KDSR: variants seen among roughly 807,000 people sequenced by gnomAD.
KDSR encodes the protein 3-dehydrosphinganine reductase.
A neutral mutation model predicts 41.3 loss-of-function variants in KDSR; 23 were observed. The observed-to-expected ratio is 0.56, with a 90% CI of 0.40 to 0.79. KDSR has a LOEUF of 0.79. Ranked by LOEUF, KDSR falls within the 30% of genes least tolerant of loss-of-function variation. The pLI, the probability that KDSR is intolerant of heterozygous loss-of-function variation, is 0.00. For synonymous variants in KDSR, 138 were observed against 151.7 expected (o/e 0.91, Z 0.66); for missense variants, 351 against 416.8 (o/e 0.84, Z 1.37).
chr18:63,344,620 G>A (rs907281893), intron 6 of KDSR, 127 bp from the exon 7 acceptor site: 4 of 627,074 alleles, frequency 6.4e-6, no homozygotes, highest in Non-Finnish European at 1.1e-5. Flanking sequence ...CTGTTAGGCG[G>A]GGAACTACAC....
At chr18:63,350,712 T>C (rs1914637609) in intron 6 of KDSR, among the ~76,000 whole-genome samples, 176 bp downstream of exon 6, 1 of 152,232 alleles carries the variant, frequency 6.6e-6, no homozygotes, top group East Asian at 1.9e-4. Context: ...ATAGTCTTCA[T>C]GCAATGAAAA....
intron 6 of KDSR, 45 bp from the exon 7 acceptor site, chr18:63,344,538 C>A: frequency 7.0e-7 from 1 of 1,422,828 alleles, no homozygotes; most frequent in South Asian, 1.2e-5. Context: ...ACAAGACACA[C>A]TGAGGTCCTA....
intron 6 of KDSR, among the ~76,000 whole-genome samples, chr18:63,347,219 G>A (rs747787177): frequency 6.6e-6 from 1 of 152,002 alleles, no homozygotes; most frequent in Non-Finnish European, 1.5e-5. Context: ...GAACCGATTT[G>A]TGGGCCGGGT....
chr18:63,350,970 C>G lies in KDSR; in HGVS notation c.527G>C (p.Gly176Ala), dbSNP rs1452218949. ...TGTGAAACCGAATAATCCCAACTGTCCTGCCTGGGAGGACACAAACACGAT... is the reference window on the plus strand; with the variant it reads ...TGTGAAACCGAATAATCCCAACTGTGCTGCCTGGGAGGACACAAACACGAT... The part of the protein sequence containing the change: ...GRIVFVSSQA[G>A]QLGLFGFTAY... Residue 176 changes from glycine (G) to alanine (A), a missense_variant, in exon 6 of 10, where the codon GGA becomes GCA. Transcript: ENST00000645214. 6.2e-7 allele frequency: 1 copy of G among 1,614,182 alleles called. No individual in the cohort carries two copies. Among genetic ancestry groups the G allele is most frequent in the South Asian group, 1.1e-5 (1 of 91,086 alleles).
chr18:63,355,432 G>C, intron 4 of KDSR, 66 bp downstream of exon 4: 1 of 1,611,594 alleles, frequency 6.2e-7, no homozygotes, highest in Non-Finnish European at 8.5e-7. Context: ...AAGCCACATA[G>C]CAAAATGGCA....
intron 1 of KDSR, among the ~76,000 whole-genome samples, chr18:63,363,424 A>C (rs1271975256): frequency 1.7e-5 from 2 of 115,772 alleles, no homozygotes; most frequent in Non-Finnish European, 3.3e-5. Flanking sequence ...TCCTGTGTCC[A>C]TGTGATCTCA....
At chr18:63,361,398 T>C (rs538068292) in intron 2 of KDSR, among the ~76,000 whole-genome samples, 2 of 152,042 alleles carry the variant, frequency 1.3e-5, no homozygotes, top group South Asian at 4.2e-4. Flanking sequence ...CAAAATGCCA[T>C]TTCATCAAAT....
At chr18:63,331,970 TAACA>T (rs1365475307) in intron 9 of KDSR, 69 bp from the exon 10 acceptor site, 4 of 1,500,968 alleles carry the variant, frequency 2.7e-6, no homozygotes, top group Non-Finnish European at 1.8e-6. Context: ...CCTAGGTCTC[TAACA>T]AACAGTTTCT....
At chr18:63,358,052 T>C (rs1382183640) in intron 3 of KDSR, among the ~76,000 whole-genome samples, 1 of 152,122 alleles carries the variant, frequency 6.6e-6, no homozygotes, top group Non-Finnish European at 1.5e-5. Context: ...GACGCGCGCC[T>C]GTAATCCCAA....
chr18:63,361,062 A>AATATATATAATAAAAATATATAATTTAT (rs1257072766), intron 2 of KDSR, among the ~76,000 whole-genome samples: 1 of 91,776 alleles, frequency 1.1e-5, no homozygotes, highest in Admixed American at 1.4e-4. Context: ...ATATATATGT[A>AATATATATAATAAAAATATATAATTTAT]AATATATATA....
chr18:63,342,694 T>C (rs913223242), intron 7 of KDSR, among the ~76,000 whole-genome samples: 8 of 142,436 alleles, frequency 5.6e-5, no homozygotes, highest in Non-Finnish European at 1.1e-4. Context: ...GGAACAGATA[T>C]GAGTCTTAAT....
chr18:63,340,777 T>C (rs779280957), intron 7 of KDSR, among the ~76,000 whole-genome samples: 8 of 152,192 alleles, frequency 5.3e-5, no homozygotes, highest in Non-Finnish European at 1.0e-4. Context: ...TGGCAAAAGA[T>C]TAGCAATTTA....
At chr18:63,332,831 C>CAAAA (rs1159424416) in intron 9 of KDSR, among the ~76,000 whole-genome samples, 1 of 75,038 alleles carries the variant, frequency 1.3e-5, no homozygotes. Context: ...GACTCCGTCT[C>CAAAA]AAAAAAAAAA....
At chr18:63,333,660 T>G (rs1358666810) in intron 9 of KDSR, among the ~76,000 whole-genome samples, 2 of 152,200 alleles carry the variant, frequency 1.3e-5, no homozygotes, top group East Asian at 3.8e-4. Flanking sequence ...AAGAAAAGTC[T>G]GAAATCTGGA....
rs763751406 is a variant in KDSR at position 63,362,881 on chromosome 18, C to A, written c.109-13G>T. The A allele has an allele frequency of 2.8e-5, 44 of 1,585,124 alleles. No individual in the cohort carries two copies. Among genetic ancestry groups the A allele is most frequent in the Non-Finnish European group, 3.7e-5 (43 of 1,154,990 alleles). On this transcript the variant is annotated splice_polypyrimidine_tract_variant and intron_variant, in intron 1 of 9. Coordinates refer to ENST00000645214, the MANE Select transcript of KDSR (RefSeq NM_002035.4). ...AACCTCCTGTAACCTAAAACAAAAT[C>A]ATAAAATATTCTTAGCACTTGAAAT...
intron 9 of KDSR, among the ~76,000 whole-genome samples, chr18:63,334,710 C>T (rs535259137): frequency 7.2e-5 from 11 of 152,318 alleles, no homozygotes; most frequent in Admixed American, 7.2e-4. Flanking sequence ...CTGGAGAGGT[C>T]GCCTTCCATC....
At chr18:63,344,764 C>T (rs562270508) in intron 6 of KDSR, 5 of 328,354 alleles carry the variant, frequency 1.5e-5, no homozygotes, top group Non-Finnish European at 2.8e-5. Context: ...TCCACTCCTG[C>T]TGCCCAGACA....
intron 5 of KDSR, among the ~76,000 whole-genome samples, chr18:63,353,024 A>C (rs1914698485): frequency 6.6e-6 from 1 of 151,414 alleles, no homozygotes; most frequent in South Asian, 2.1e-4. Flanking sequence ...AAAAAAAAAA[A>C]AAAAAAATTA....
intron 5 of KDSR, among the ~76,000 whole-genome samples, chr18:63,352,567 C>T (rs996212413): frequency 2.6e-5 from 4 of 152,026 alleles, no homozygotes; most frequent in African/African-American, 7.3e-5. Flanking sequence ...CTGCCTGCCT[C>T]GGCCTCCCAA....
Sources: gnomAD v4.1 joint callset for allele counts (sites outside exome capture counted in the v4.1 genomes callset) on GRCh38, gnomAD v4.1.1 for gene constraint, MANE v1.5 for transcripts, NCBI Gene and HGNC (gene_info 2026-07-23, HGNC 2026-07-21) for gene names.